Variants in SUPT20HL2 observed in about 807,000 individuals in gnomAD.
SUPT20HL2 encodes transcription factor SPT20 homolog-like 2.
For synonymous variants in SUPT20HL2, 125 were observed against 51.6 expected, an observed-to-expected ratio of 2.42 and a Z score of -6.10; for missense variants, 288 against 127.4, an observed-to-expected ratio of 2.26 and a Z score of -6.07.
At position 24,309,725 on chromosome X, in the gene SUPT20HL2, T is replaced by TAAAAAAAAAAAAAAAAAAAAA. The variant is rs1569195686; in HGVS notation, c.*1136_*1137insTTTTTTTTTTTTTTTTTTTTT. Reference sequence around the variant, plus strand: ...AAAATTAAAAAAAAAAAGAAAAAAATAATAAAAATAAAAAAAAAAAGAAAA... The same window carrying TAAAAAAAAAAAAAAAAAAAAA: ...AAAATTAAAAAAAAAAAGAAAAAAATAAAAAAAAAAAAAAAAAAAAAAATAAAAATAAAAAAAAAAAGAAAA... On this transcript the variant is annotated 3_prime_UTR_variant, in exon 1 of 1. Coordinates refer to ENST00000486479, the MANE Select transcript of SUPT20HL2 (RefSeq NM_001136233.3). 2.4e-4 allele frequency among the ~76,000 whole-genome samples: 4 copies of TAAAAAAAAAAAAAAAAAAAAA among 16,879 alleles called. No homozygotes were observed. Among genetic ancestry groups the TAAAAAAAAAAAAAAAAAAAAA allele is most frequent in the African/African-American group, 3.0e-4 (1 of 3,280 alleles). The allele number at this position is 16,879 out of a possible 115,157, so 14.7% of individuals were successfully genotyped here.
chrX:24,311,779 CAGCAGG>C lies in SUPT20HL2; in HGVS notation c.1531_1536del (p.Pro511_Ala512del), dbSNP rs758836549. On this transcript the variant is annotated inframe_deletion, in exon 1 of 1. Coordinates refer to ENST00000486479, the MANE Select transcript of SUPT20HL2 (RefSeq NM_001136233.3). ...GCAGCAGCAGCTAAAGCAGGAGCAGCAGCAGGAGCAGGAGCAGGAGCAGGAGCAGCA... is the reference window on the plus strand; with the variant it reads ...GCAGCAGCAGCTAAAGCAGGAGCAGCAGCAGGAGCAGGAGCAGGAGCAGCA... 6.2e-3 allele frequency: 2,094 copies of C among 336,929 alleles called. 11 individuals carry two copies. Among genetic ancestry groups the C allele is most frequent in the African/African-American group, 0.032 (1,202 of 37,799 alleles). 27.8% of individuals were successfully genotyped at this position (336,929 alleles called of 1,213,427 possible).
chrX:24,309,725 T>TAAAA lies in SUPT20HL2; in HGVS notation c.*1136_*1137insTTTT, dbSNP rs1569195686. ...AAAATTAAAAAAAAAAAGAAAAAAA[T>TAAAA]AATAAAAATAAAAAAAAAAAGAAAA... is the stretch of plus-strand genomic sequence containing the variant. On this transcript the variant is annotated 3_prime_UTR_variant, in exon 1 of 1. Transcript: ENST00000486479. 2.4e-4 allele frequency among the ~76,000 whole-genome samples: 4 copies of TAAAA among 16,886 alleles called. No individual in the cohort carries two copies. The highest frequency in any genetic ancestry group is 6.1e-4 in the African/African-American group (2 of 3,278). 14.7% of individuals were successfully genotyped at this position (16,886 alleles called of 115,157 possible). A position where few individuals can be genotyped will look rare whatever the true frequency, so the allele number is the denominator to read the frequency against.
At position 24,313,308 on chromosome X, in the gene SUPT20HL2, C is replaced by G. The variant is rs747276547; in HGVS notation, c.8G>C (p.Arg3Pro). 4.2e-5 allele frequency: 16 copies of G among 381,271 alleles called. No individual in the cohort carries two copies. Among genetic ancestry groups the G allele is most frequent in the Admixed American group, 1.8e-4 (7 of 38,825 alleles). 31.4% of individuals were successfully genotyped at this position (381,271 alleles called of 1,213,427 possible). A position where few individuals can be genotyped will look rare whatever the true frequency, so the allele number is the denominator to read the frequency against. MDRDLEQALDRTE... is the reference protein window; with the variant it reads MDPDLEQALDRTE... Reference sequence around the variant, plus strand: ...GCGATCCAGAGCCTGTTCTAAATCTCGATCCATTGTAACAGAAAACAGGGC... The same window carrying G: ...GCGATCCAGAGCCTGTTCTAAATCTGGATCCATTGTAACAGAAAACAGGGC... Residue 3 changes from arginine (R) to proline (P), a missense_variant, in exon 1 of 1, where the codon CGA becomes CCA. By Grantham distance (103) the Arg-to-Pro change is moderately radical. Coordinates refer to ENST00000486479, the MANE Select transcript of SUPT20HL2 (RefSeq NM_001136233.3).
rs1285962565 is a variant in SUPT20HL2, at chrX:24,310,591, T to C, written c.*271A>G. On this transcript the variant is annotated 3_prime_UTR_variant, in exon 1 of 1. Transcript: ENST00000486479. ...TTCACAAGTTTAAACTCAACCTGGT[T>C]AGGATTTGGACACTTTAAAATACTA... Among the ~76,000 whole-genome samples, 3 of 112,286 alleles carry C rather than the reference T, an allele frequency of 2.7e-5. No homozygotes were observed. The highest frequency in any genetic ancestry group is 9.7e-5 in the African/African-American group (3 of 30,878).
In SUPT20HL2 at chrX:24,311,568, C is replaced by A. The variant is rs780758825; in HGVS notation, c.1748G>T (p.Arg583Leu). The change falls in exon 1 of 1, where the codon CGG becomes CTG. Residue 583 changes from arginine to leucine, a missense_variant. Physicochemically the swap from Arg to Leu is moderately radical, Grantham distance 102. Transcript: ENST00000486479. The stretch of plus-strand genomic sequence containing the variant: ...ACTGCACCCCAAAACCTGGGCTCCC[C>A]GGACTGGGCCCTCCACGTTGGTGGC... Reference protein sequence around the residue: ...LKATNVEGPVRGAQVLGCSFK... With the variant: ...LKATNVEGPVLGAQVLGCSFK... 2.6e-6 allele frequency: 1 copy of A among 385,811 alleles called. No homozygotes were observed. The allele number at this position is 385,811 out of a possible 1,213,427, so 31.8% of individuals were successfully genotyped here.
Position 24,308,993 on chromosome X carries a change from A to C in SUPT20HL2, c.*1869T>G, listed in dbSNP as rs748210667. On this transcript the variant is annotated 3_prime_UTR_variant, in exon 1 of 1. Coordinates refer to ENST00000486479, the MANE Select transcript of SUPT20HL2 (RefSeq NM_001136233.3). ...ATACTGTATGACTACATTTACAGGAAATATTTAGGTAAATCCATAGAAACA... is the reference window on the plus strand; with the variant it reads ...ATACTGTATGACTACATTTACAGGACATATTTAGGTAAATCCATAGAAACA... 8.9e-6 allele frequency among the ~76,000 whole-genome samples: 1 copy of C among 112,539 alleles called. No individual in the cohort carries two copies. The highest frequency in any genetic ancestry group is 1.9e-5 in the Non-Finnish European group (1 of 53,309).
Position 24,309,763 on chromosome X carries a change from A to AAAAAAAAAC in SUPT20HL2, c.*1098_*1099insGTTTTTTTT, listed in dbSNP as rs1939105085. On this transcript the variant is annotated 3_prime_UTR_variant, in exon 1 of 1. Coordinates refer to ENST00000486479, the MANE Select transcript of SUPT20HL2 (RefSeq NM_001136233.3). ...AAAAAAAAGAAAAAAAAAAAAAAAA[A>AAAAAAAAAC]AAAAAACATCCAAAAAGAGCCTTTT... Among the ~76,000 whole-genome samples, 1 of 93,231 alleles carries AAAAAAAAAC rather than the reference A, an allele frequency of 1.1e-5. No homozygotes were observed. The highest frequency in any genetic ancestry group is 2.1e-5 in the Non-Finnish European group (1 of 46,555). 81.0% of individuals were successfully genotyped at this position (93,231 alleles called of 115,157 possible).
Position 24,308,913 on chromosome X carries a change from G to A in SUPT20HL2, c.*1949C>T, listed in dbSNP as rs1414518636. Among the ~76,000 whole-genome samples the A allele has an allele frequency of 2.8e-4, 31 of 111,992 alleles. No individual in the cohort carries two copies. The highest frequency in any genetic ancestry group is 8.8e-4 in the African/African-American group (27 of 30,815). On this transcript the variant is annotated 3_prime_UTR_variant, in exon 1 of 1. Transcript: ENST00000486479. ...GAATTAGCAATACATTTTACGACAT[G>A]GAAGAACTTCAAAAACATTATGCCG...
In SUPT20HL2 at chrX:24,311,448, G is replaced by C. The variant is rs1371509732; in HGVS notation, c.1868C>G (p.Ala623Gly). The C allele has an allele frequency of 7.8e-6, 3 of 386,352 alleles. No individual in the cohort carries two copies. The highest frequency in any genetic ancestry group is 4.4e-4 in the Middle Eastern group (1 of 2,268). 31.8% of individuals were successfully genotyped at this position (386,352 alleles called of 1,213,427 possible). A position where few individuals can be genotyped will look rare whatever the true frequency, so the allele number is the denominator to read the frequency against. ...LQSSGGPLPD[A>G]RPGAVQASSP... ...AGATGCCTGCACTGCACCGGGCCTT[G>C]CATCTGGTAGTGGACCTCCTGAGGA... The change falls in exon 1 of 1, where the codon GCA becomes GGA. Residue 623 changes from alanine (A) to glycine (G), a missense_variant. Ala to Gly is a moderately conservative substitution (Grantham distance 60). Transcript: ENST00000486479.
rs777722609 is a variant in SUPT20HL2, at chrX:24,308,426, T to A, written c.*2436A>T. The A allele has an allele frequency of 6.5e-6, 2 of 307,367 alleles. No individual in the cohort carries two copies. The highest frequency in any genetic ancestry group is 1.3e-5 in the Non-Finnish European group (2 of 157,766). The allele number at this position is 307,367 out of a possible 1,213,427, so 25.3% of individuals were successfully genotyped here. A position where few individuals can be genotyped will look rare whatever the true frequency, so the allele number is the denominator to read the frequency against. On this transcript the variant is annotated 3_prime_UTR_variant, in exon 1 of 1. Coordinates refer to ENST00000486479, the MANE Select transcript of SUPT20HL2 (RefSeq NM_001136233.3). Reference sequence around the variant, plus strand: ...TCTCTACAACTGGTCATTGCACTCGTTCGCCTCTTAAAAGTGCAGGCACCA... The same window carrying A: ...TCTCTACAACTGGTCATTGCACTCGATCGCCTCTTAAAAGTGCAGGCACCA...
chrX:24,312,693 A>G lies in SUPT20HL2; in HGVS notation c.623T>C (p.Leu208Pro), dbSNP rs373612921. Residue 208 changes from leucine (L) to proline (P), a missense_variant, in exon 1 of 1, where the codon CTG (leucine) becomes CCG (proline). Coordinates refer to ENST00000486479, the MANE Select transcript of SUPT20HL2 (RefSeq NM_001136233.3). The part of the protein sequence containing the change: ...SQLILATAEP[L>P]CLDPSVAVAC... Reference sequence around the variant, plus strand: ...AACTGCTACAGAAGGATCAAGACACAGTGGTTCAGCTGTCGCTAAGATCAG... The same window carrying G: ...AACTGCTACAGAAGGATCAAGACACGGTGGTTCAGCTGTCGCTAAGATCAG... 6.2e-5 allele frequency: 24 copies of G among 385,171 alleles called. No homozygotes were observed. Among genetic ancestry groups the G allele is most frequent in the Non-Finnish European group, 1.2e-4 (24 of 192,363 alleles). The allele number at this position is 385,171 out of a possible 1,213,427, so 31.7% of individuals were successfully genotyped here.
rs1180050356 is a variant in SUPT20HL2 at position 24,311,026 on chromosome X, G to T, written c.2290C>A (p.Pro764Thr). 5.2e-6 allele frequency: 2 copies of T among 383,349 alleles called. No individual in the cohort carries two copies. Among genetic ancestry groups the T allele is most frequent in the South Asian group, 4.8e-5 (2 of 42,073 alleles). The allele number at this position is 383,349 out of a possible 1,213,427, so 31.6% of individuals were successfully genotyped here. Residue 764 changes from proline to threonine, a missense_variant, in exon 1 of 1, where the codon CCA (proline) becomes ACA (threonine). Transcript: ENST00000486479. ...PLLLLQPQPQPQQIQLQTQPL... is the reference protein window; with the variant it reads ...PLLLLQPQPQTQQIQLQTQPL... ...TGTGTCTGGAGCTGGATCTGCTGTGGCTGTGGTTGTGGCTGCAGCAGCAGC... is the reference window on the plus strand; with the variant it reads ...TGTGTCTGGAGCTGGATCTGCTGTGTCTGTGGTTGTGGCTGCAGCAGCAGC...
Position 24,309,765 on chromosome X carries a change from A to AAAAAAAAAAAC in SUPT20HL2, c.*1096_*1097insGTTTTTTTTTT, listed in dbSNP as rs1939105384. 1.1e-5 allele frequency among the ~76,000 whole-genome samples: 1 copy of AAAAAAAAAAAC among 92,770 alleles called. No individual in the cohort carries two copies. The highest frequency in any genetic ancestry group is 3.9e-5 in the African/African-American group (1 of 25,628). 80.6% of individuals were successfully genotyped at this position (92,770 alleles called of 115,157 possible). A position where few individuals can be genotyped will look rare whatever the true frequency, so the allele number is the denominator to read the frequency against. ...AAAAAAGAAAAAAAAAAAAAAAAAA[A>AAAAAAAAAAAC]AAAACATCCAAAAAGAGCCTTTTCA... On this transcript the variant is annotated 3_prime_UTR_variant, in exon 1 of 1. Transcript: ENST00000486479.
Position 24,311,767 on chromosome X carries a change from A to AAGCAGGAGCAGC in SUPT20HL2, c.1537_1548dup (p.Ala513_Ala516dup), listed in dbSNP as rs1569196329. The AAGCAGGAGCAGC allele has an allele frequency of 1.2e-5, 4 of 345,401 alleles. No individual in the cohort carries two copies. The highest frequency in any genetic ancestry group is 2.5e-5 in the South Asian group (1 of 39,792). The allele number at this position is 345,401 out of a possible 1,213,427, so 28.5% of individuals were successfully genotyped here. A position where few individuals can be genotyped will look rare whatever the true frequency, so the allele number is the denominator to read the frequency against. The stretch of plus-strand genomic sequence containing the variant: ...GCCGCCGCCACAGCAGCAGCAGCTA[A>AAGCAGGAGCAGC]AGCAGGAGCAGCAGCAGGAGCAGGA... On this transcript the variant is annotated inframe_insertion, in exon 1 of 1. Transcript: ENST00000486479.
chrX:24,310,890 C>T lies in SUPT20HL2; in HGVS notation c.2426G>A (p.Gly809Glu), dbSNP rs1278781921. Residue 809 changes from glycine (G) to glutamate (E), a missense_variant, in exon 1 of 1, where the codon GGA (glycine) becomes GAA (glutamate). Transcript: ENST00000486479. The part of the protein sequence containing the change: ...AGSQLVGQRK[G>E]GKPTPPAP ...GGGAGCTGGAGGGGTTGGCTTGCCT[C>T]CCTTCCTCTGACCTACCAACTGGCT... The T allele has an allele frequency of 5.2e-6, 2 of 386,308 alleles. No homozygotes were observed. The highest frequency in any genetic ancestry group is 2.3e-5 in the South Asian group (1 of 42,601). The allele number at this position is 386,308 out of a possible 1,213,427, so 31.8% of individuals were successfully genotyped here.
At position 24,310,193 on chromosome X, in the gene SUPT20HL2, CA is replaced by C. The variant is rs771379451; in HGVS notation, c.*668del. On this transcript the variant is annotated 3_prime_UTR_variant, in exon 1 of 1. Coordinates refer to ENST00000486479, the MANE Select transcript of SUPT20HL2 (RefSeq NM_001136233.3). The stretch of plus-strand genomic sequence containing the variant: ...ATGCCAAGTGAGATAAGCCACTCAC[CA>C]AGTGACAAATGCCATATGATTCCAC... 9.0e-6 allele frequency among the ~76,000 whole-genome samples: 1 copy of C among 111,289 alleles called. No homozygotes were observed. Among genetic ancestry groups the C allele is most frequent in the East Asian group, 2.8e-4 (1 of 3,561 alleles).
rs1439096709 is a variant in SUPT20HL2 at position 24,314,065 on chromosome X, G to C, written c.-750C>G. ...CTTCGCGTCTCTGAGTGCTGCACCGGAAATGAACGGGAGGGCCGGGGTCAG... is the reference window on the plus strand; with the variant it reads ...CTTCGCGTCTCTGAGTGCTGCACCGCAAATGAACGGGAGGGCCGGGGTCAG... On this transcript the variant is annotated 5_prime_UTR_variant, in exon 1 of 1. Coordinates refer to ENST00000486479, the MANE Select transcript of SUPT20HL2 (RefSeq NM_001136233.3). 1.6e-5 allele frequency: 6 copies of C among 366,925 alleles called. No individual in the cohort carries two copies. Among genetic ancestry groups the C allele is most frequent in the Admixed American group, 1.3e-4 (5 of 38,765 alleles). The allele number at this position is 366,925 out of a possible 1,213,427, so 30.2% of individuals were successfully genotyped here.
At position 24,311,656 on chromosome X, in the gene SUPT20HL2, G is replaced by A; in HGVS notation, c.1660C>T (p.Pro554Ser). 1 of 384,828 alleles carries A rather than the reference G, an allele frequency of 2.6e-6. No individual in the cohort carries two copies. Among genetic ancestry groups the A allele is most frequent in the African/African-American group, 2.5e-5 (1 of 39,863 alleles). The allele number at this position is 384,828 out of a possible 1,213,427, so 31.7% of individuals were successfully genotyped here. A position where few individuals can be genotyped will look rare whatever the true frequency, so the allele number is the denominator to read the frequency against. Reference sequence around the variant, plus strand: ...GGGGCTATTTTTACGAATCTGGTGGGGCGCCCGGCAGCTGGACGGCGCCTG... The same window carrying A: ...GGGGCTATTTTTACGAATCTGGTGGAGCGCCCGGCAGCTGGACGGCGCCTG... ...ASRRRPAAGR[P>S]TRFVKIAPAI... The change falls in exon 1 of 1, where the codon CCC becomes TCC. Residue 554 changes from proline to serine, a missense_variant. Physicochemically the swap from Pro to Ser is moderately conservative, Grantham distance 74. Coordinates refer to ENST00000486479, the MANE Select transcript of SUPT20HL2 (RefSeq NM_001136233.3).
Position 24,313,431 on chromosome X carries a change from C to T in SUPT20HL2, c.-116G>A, listed in dbSNP as rs1007416827. On this transcript the variant is annotated 5_prime_UTR_variant, in exon 1 of 1. The change creates a new upstream start codon in the 5' untranslated region. Coordinates refer to ENST00000486479, the MANE Select transcript of SUPT20HL2 (RefSeq NM_001136233.3). ...GCCCGCAAGACGCCGCAAGTCCACA[C>T]TGAGTTCAACACGGGCACCTGCCCA... 3 of 340,854 alleles carry T rather than the reference C, an allele frequency of 8.8e-6. No homozygotes were observed. Among genetic ancestry groups the T allele is most frequent in the African/African-American group, 2.6e-5 (1 of 38,361 alleles). The allele number at this position is 340,854 out of a possible 1,213,427, so 28.1% of individuals were successfully genotyped here. A position where few individuals can be genotyped will look rare whatever the true frequency, so the allele number is the denominator to read the frequency against.
Sources: gnomAD v4.1 joint callset for allele counts (sites outside exome capture counted in the v4.1 genomes callset) on GRCh38, gnomAD v4.1.1 for gene constraint, MANE v1.5 for transcripts, NCBI Gene and HGNC (gene_info 2026-07-23, HGNC 2026-07-21) for gene names.